The following EYS variants were observed in gnomAD, a reference collection of about 807,000 sequenced individuals.
EYS encodes protein eyes shut homolog.
A neutral mutation model predicts 282.1 loss-of-function variants in EYS; 250 were observed. The ratio of observed to expected loss-of-function variants is 0.89; its 90% CI spans 0.80 to 0.98. The LOEUF is 0.98. Among genes scored for constraint, EYS ranks in the 50% least tolerant of loss-of-function variants. The pLI is 0.00. For missense variants in EYS, 4,016 were observed against 3,709.0 expected (o/e 1.08, Z -2.15); for synonymous variants, 1,355 against 1,282.9 (o/e 1.06, Z -1.20).
intron 26 of EYS, among the ~76,000 whole-genome samples, chr6:64,446,807 G>T (rs2150473394): frequency 6.6e-6 from 1 of 152,124 alleles, no homozygotes; most frequent in Non-Finnish European, 1.5e-5. Flanking sequence ...TACCAATATA[G>T]TATAATCCAT....
intron 12 of EYS, among the ~76,000 whole-genome samples, chr6:65,120,009 G>A (rs1187055475): frequency 3.3e-5 from 5 of 151,294 alleles, no homozygotes; most frequent in Admixed American, 1.3e-4. Context: ...ATTAGCCGCC[G>A]GGCGGGGTGG....
rs988163418 is a variant in EYS at position 65,490,603 on chromosome 6, G to T, written c.853C>A (p.Gln285Lys). The part of the protein sequence containing the change: ...SNSFICECDE[Q>K]FSGPFCEVSA... ...CATATGCATTTTTTACCTGAAAATT[G>T]CTCATCACATTCACAAATGAAACTA... Residue 285 changes from glutamine (Q) to lysine (K), a missense_variant, in exon 5 of 43, where the codon CAA becomes AAA. Transcript: ENST00000503581. 47 of 1,596,378 alleles carry T rather than the reference G, an allele frequency of 2.9e-5. No individual in the cohort carries two copies. The highest frequency in any genetic ancestry group is 3.8e-5 in the Non-Finnish European group (44 of 1,164,558).
chr6:64,102,472 G>A (rs546093129), intron 31 of EYS, among the ~76,000 whole-genome samples: 16 of 151,946 alleles, frequency 1.1e-4, no homozygotes, highest in Non-Finnish European at 2.2e-4. Flanking sequence ...TTCCCATAAG[G>A]CAAAACCAAG....
chr6:65,672,449 G>C lies in EYS; in HGVS notation c.-447-32557C>G, dbSNP rs944165379. ...TTCACAGAAAACATTTGAGAGACCCGCAAAATATGTAGCTGGGTCATTTCA... is the reference window on the plus strand; with the variant it reads ...TTCACAGAAAACATTTGAGAGACCCCCAAAATATGTAGCTGGGTCATTTCA... On this transcript the variant is annotated intron_variant, in intron 1 of 42. Transcript: ENST00000503581. Among the ~76,000 whole-genome samples, 4 of 152,116 alleles carry C rather than the reference G, an allele frequency of 2.6e-5. No individual in the cohort carries two copies. The South Asian group carries it at 8.3e-4, about 32-fold the overall frequency.
intron 11 of EYS, chr6:65,302,865 C>G (rs1219721581): frequency 6.2e-7 from 1 of 1,613,522 alleles, no homozygotes; most frequent in South Asian, 1.1e-5. Context: ...GAAGTGAAGG[C>G]TAGCCAACTT....
intron 32 of EYS, among the ~76,000 whole-genome samples, chr6:64,070,023 T>C (rs1257844408): frequency 6.6e-6 from 1 of 152,126 alleles, no homozygotes; most frequent in African/African-American, 2.4e-5. Flanking sequence ...CTGTGTTCAA[T>C]CTGTTGTGAA....
chr6:64,174,129 T>C (rs1474790745), intron 31 of EYS, among the ~76,000 whole-genome samples: 1 of 152,118 alleles, frequency 6.6e-6, no homozygotes, highest in Admixed American at 6.5e-5. Context: ...AATCTATCTA[T>C]TTTTATTTAT....
intron 31 of EYS, among the ~76,000 whole-genome samples, chr6:64,183,862 G>A (rs1764854871): frequency 6.6e-6 from 1 of 151,824 alleles, no homozygotes; most frequent in Non-Finnish European, 1.5e-5. Flanking sequence ...AATTTCACCT[G>A]TAGGATTTTA....
At chr6:63,975,068 A>G (rs1000898455) in intron 35 of EYS, among the ~76,000 whole-genome samples, 4 of 151,832 alleles carry the variant, frequency 2.6e-5, no homozygotes, top group African/African-American at 9.7e-5. Flanking sequence ...CTCCATTTTC[A>G]GAAGACCTGG....
intron 29 of EYS, among the ~76,000 whole-genome samples, chr6:64,377,107 G>GGATAGATAGATA (rs376413928): frequency 7.0e-6 from 1 of 143,226 alleles, no homozygotes; most frequent in African/African-American, 3.0e-5. Context: ...ATAGATAGAT[G>GGATAGATAGATA]GATAGATAGA....
intron 22 of EYS, among the ~76,000 whole-genome samples, chr6:64,716,432 T>C (rs1046542444): frequency 6.6e-6 from 1 of 152,224 alleles, no homozygotes; most frequent in African/African-American, 2.4e-5. Flanking sequence ...GTTGCCTTGT[T>C]ATCAACATTG....
intron 28 of EYS, among the ~76,000 whole-genome samples, chr6:64,431,691 G>A (rs1774580550): frequency 6.6e-6 from 1 of 152,058 alleles, no homozygotes; most frequent in Non-Finnish European, 1.5e-5. Flanking sequence ...AGTTCTTACT[G>A]TGGCATTTGA....
chr6:65,645,628 A>G (rs536749094), intron 1 of EYS, among the ~76,000 whole-genome samples: 1 of 152,286 alleles, frequency 6.6e-6, no homozygotes, highest in South Asian at 2.1e-4. Context: ...GAACCAGAGA[A>G]ACAAGAACCA....
chr6:65,667,247 T>C (rs1007292064), intron 1 of EYS, among the ~76,000 whole-genome samples: 11 of 152,048 alleles, frequency 7.2e-5, no homozygotes, highest in Non-Finnish European at 1.3e-4. Flanking sequence ...ACTGTTCTGC[T>C]AAAACTCTTC....
chr6:65,435,209 AT>A (rs1768029522), intron 5 of EYS, among the ~76,000 whole-genome samples: 1 of 152,028 alleles, frequency 6.6e-6, no homozygotes, highest in Non-Finnish European at 1.5e-5. Context: ...TGTTACCTAT[AT>A]AATTAAATGT....
chr6:65,061,635 C>T (rs1302149977), intron 12 of EYS, among the ~76,000 whole-genome samples: 1 of 151,670 alleles, frequency 6.6e-6, no homozygotes, highest in Admixed American at 6.6e-5. Flanking sequence ...TGTTTCAATT[C>T]CACCTAACAC....
At chr6:64,771,923 C>T (rs1485106234) in intron 22 of EYS, among the ~76,000 whole-genome samples, 1 of 151,706 alleles carries the variant, frequency 6.6e-6, no homozygotes. Flanking sequence ...CTTTTGTATT[C>T]AGAGAGAAGT....
chr6:65,648,314 A>ATATATG (rs373479571), intron 1 of EYS, among the ~76,000 whole-genome samples: 2 of 147,792 alleles, frequency 1.4e-5, no homozygotes, highest in Non-Finnish European at 1.5e-5. Flanking sequence ...AAGAAAATAT[A>ATATATG]TGTGTGTGTG....
chr6:63,995,289 G>A (rs1302777347), intron 34 of EYS, among the ~76,000 whole-genome samples: 2 of 151,968 alleles, frequency 1.3e-5, no homozygotes, highest in Non-Finnish European at 2.9e-5. Context: ...TGGCCAACAG[G>A]TATGTGAAAA....
Sources: allele counts gnomAD v4.1 joint callset (sites outside exome capture counted in the v4.1 genomes callset), GRCh38; gene constraint gnomAD v4.1.1; transcripts MANE v1.5; gene names NCBI Gene and HGNC (gene_info 2026-07-23, HGNC 2026-07-21).